The following IL1RAPL2 variants were observed in gnomAD, a reference collection of about 807,000 sequenced individuals.
The protein encoded by IL1RAPL2 is X-linked interleukin-1 receptor accessory protein-like 2.
A neutral mutation model predicts 44.1 loss-of-function variants in IL1RAPL2; 3 were observed. The ratio of observed to expected loss-of-function variants is 0.07; its 90% CI spans 0.03 to 0.18. The LOEUF (loss-of-function observed/expected upper bound fraction) is 0.18, where lower values mean the gene tolerates loss of function less well. Among genes scored for constraint, IL1RAPL2 ranks in the 10% least tolerant of loss-of-function variants. The pLI, the probability that IL1RAPL2 is intolerant of heterozygous loss-of-function variation, is 1.00. For synonymous variants in IL1RAPL2, 181 were observed against 178.8 expected, an observed-to-expected ratio of 1.01 and a Z score of -0.10; for missense variants, 391 against 496.4, an observed-to-expected ratio of 0.79 and a Z score of 2.02.
At chrX:105,447,104 T>TGA (rs1556323080) in intron 5 of IL1RAPL2, among the ~76,000 whole-genome samples, 7 of 48,363 alleles carry the variant, frequency 1.4e-4, no homozygotes, top group African/African-American at 8.0e-4. Flanking sequence ...TATATATATA[T>TGA]ATAAAAATAT....
At chrX:104,896,201 C>CTGAA (rs1241075126) in intron 2 of IL1RAPL2, among the ~76,000 whole-genome samples, 1 of 112,245 alleles carries the variant, frequency 8.9e-6, no homozygotes, top group East Asian at 2.8e-4. Flanking sequence ...CTTGCTATTA[C>CTGAA]TCGCCTTCAG....
At chrX:105,061,593 C>T (rs1433041669) in intron 2 of IL1RAPL2, among the ~76,000 whole-genome samples, 4 of 111,838 alleles carry the variant, frequency 3.6e-5, no homozygotes, top group Admixed American at 2.8e-4. Context: ...TTTCTTTAGA[C>T]AGATCTTCCA....
intron 5 of IL1RAPL2, among the ~76,000 whole-genome samples, chrX:105,472,767 A>G (rs2036173704): frequency 8.9e-6 from 1 of 112,052 alleles, no homozygotes; most frequent in South Asian, 3.7e-4. Flanking sequence ...AGCTGCCATC[A>G]TGTGGGAAAT....
chrX:104,896,399 G>C (rs1213392179), intron 2 of IL1RAPL2, among the ~76,000 whole-genome samples: 1 of 111,434 alleles, frequency 9.0e-6, no homozygotes, highest in Non-Finnish European at 1.9e-5. Flanking sequence ...TACAACTGCA[G>C]GGCCCCTTCT....
intron 2 of IL1RAPL2, among the ~76,000 whole-genome samples, chrX:104,887,243 C>G (rs1293573498): frequency 2.7e-5 from 3 of 112,145 alleles, no homozygotes; most frequent in African/African-American, 9.7e-5. Flanking sequence ...AGAATGGGAA[C>G]CAGGGACAGA....
At chrX:105,459,834 C>A (rs1225410769) in intron 5 of IL1RAPL2, among the ~76,000 whole-genome samples, 1 of 111,292 alleles carries the variant, frequency 9.0e-6, no homozygotes, top group Non-Finnish European at 1.9e-5. Flanking sequence ...TTATCCAAAC[C>A]AAGCATCAAA....
rs761739395 is a variant in IL1RAPL2, at chrX:104,986,516, A to G, written c.83-208959A>G. On this transcript the variant is annotated intron_variant, in intron 2 of 10. Coordinates refer to ENST00000372582, the MANE Select transcript of IL1RAPL2 (RefSeq NM_017416.2). ...CCTCAGAGTGTGTCTACAAAAGTAGAACAACTAGTTAAACATTGAAAATAT... is the reference window on the plus strand; with the variant it reads ...CCTCAGAGTGTGTCTACAAAAGTAGGACAACTAGTTAAACATTGAAAATAT... Among the ~76,000 whole-genome samples, 12 of 112,500 alleles carry G rather than the reference A, an allele frequency of 1.1e-4. No homozygotes were observed. The Middle Eastern group carries it at 0.037, about 347-fold the overall frequency.
chrX:105,415,733 CA>C (rs1399815459), intron 5 of IL1RAPL2, among the ~76,000 whole-genome samples: 3 of 111,145 alleles, frequency 2.7e-5, no homozygotes, highest in Admixed American at 9.6e-5. Flanking sequence ...TTTAATAGCC[CA>C]AAAGCCTTCC....
intron 2 of IL1RAPL2, among the ~76,000 whole-genome samples, chrX:104,909,627 G>T (rs1432978190): frequency 8.9e-6 from 1 of 111,931 alleles, no homozygotes; most frequent in African/African-American, 3.3e-5. Context: ...GTGTGCTCCT[G>T]TTGGGGGGTG....
chrX:105,228,254 G>A (rs1419750380), intron 3 of IL1RAPL2, among the ~76,000 whole-genome samples: 4 of 112,004 alleles, frequency 3.6e-5, no homozygotes, highest in African/African-American at 6.5e-5. Context: ...TAAGACAATC[G>A]AATAAATCAG....
chrX:105,236,709 T>C (rs1177828819), intron 4 of IL1RAPL2, among the ~76,000 whole-genome samples: 1 of 112,031 alleles, frequency 8.9e-6, no homozygotes, highest in Non-Finnish European at 1.9e-5. Flanking sequence ...TTGGTTCTCA[T>C]ACAAGGTTTC....
intron 6 of IL1RAPL2, among the ~76,000 whole-genome samples, chrX:105,650,875 A>G: frequency 8.9e-6 from 1 of 112,204 alleles, no homozygotes. Context: ...ACAGAAAAAA[A>G]GGTTGATTTT....
intron 2 of IL1RAPL2, among the ~76,000 whole-genome samples, chrX:104,910,148 A>C (rs376278613): frequency 3.0e-4 from 34 of 112,356 alleles, no homozygotes; most frequent in East Asian, 2.8e-4. Context: ...GTCTTTGACT[A>C]GGAAAGGGAA....
At chrX:105,396,001 T>C (rs1390810228) in intron 5 of IL1RAPL2, among the ~76,000 whole-genome samples, 2 of 111,534 alleles carry the variant, frequency 1.8e-5, no homozygotes, top group Non-Finnish European at 3.8e-5. Flanking sequence ...TGAGGAGTCA[T>C]TGAGAGGCTT....
intron 6 of IL1RAPL2, among the ~76,000 whole-genome samples, chrX:105,550,962 AATAC>A (rs772915509): frequency 2.7e-5 from 3 of 111,602 alleles, no homozygotes; most frequent in African/African-American, 9.8e-5. Flanking sequence ...TACATACATA[AATAC>A]ATACATACAT....
intron 3 of IL1RAPL2, among the ~76,000 whole-genome samples, chrX:105,196,415 G>A (rs190108147): frequency 0.017 from 1,909 of 111,600 alleles, 44 homozygotes; most frequent in African/African-American, 0.058. Context: ...ATCTGGCCAC[G>A]AAAATGATCT....
At chrX:105,448,647 G>T (rs1403541673) in intron 5 of IL1RAPL2, among the ~76,000 whole-genome samples, 1 of 111,251 alleles carries the variant, frequency 9.0e-6, no homozygotes, top group Non-Finnish European at 1.9e-5. Flanking sequence ...TTACAGGTGT[G>T]AGCCTTCATG....
At chrX:104,942,614 T>G (rs1479216142) in intron 2 of IL1RAPL2, among the ~76,000 whole-genome samples, 10 of 111,760 alleles carry the variant, frequency 8.9e-5, no homozygotes, top group African/African-American at 2.9e-4. Flanking sequence ...TGGGGTTTTC[T>G]AAATATACAA....
At chrX:105,612,606 A>C (rs754949759) in intron 6 of IL1RAPL2, among the ~76,000 whole-genome samples, 1 of 112,472 alleles carries the variant, frequency 8.9e-6, no homozygotes, top group South Asian at 3.7e-4. Flanking sequence ...GAGGCGCTGG[A>C]AGAAGGCAGG....
Sources: allele counts gnomAD v4.1 joint callset (sites outside exome capture counted in the v4.1 genomes callset), GRCh38; gene constraint gnomAD v4.1.1; transcripts MANE v1.5; gene names NCBI Gene and HGNC (gene_info 2026-07-23, HGNC 2026-07-21).